Variants in SCAPER observed in about 807,000 individuals in gnomAD.
SCAPER encodes S-phase cyclin A associated protein in the ER, also known as S phase cyclin A-associated protein in the endoplasmic reticulum.
A neutral mutation model predicts 182.2 loss-of-function variants in SCAPER; 98 were observed. The observed-to-expected ratio is 0.54, with a 90% confidence interval of 0.46 to 0.64. The LOEUF (loss-of-function observed/expected upper bound fraction) is 0.64. SCAPER is among the 30% of genes least tolerant of loss of function. SCAPER has a pLI of 0.00. For missense variants in SCAPER, 1,432 were observed against 1,690.0 expected, an observed-to-expected ratio of 0.85 and a Z score of 2.68; for synonymous variants, 605 against 564.6, an observed-to-expected ratio of 1.07 and a Z score of -1.01.
chr15:76,812,830 G>T (rs2066740203), intron 5 of SCAPER, among the ~76,000 whole-genome samples: 1 of 150,542 alleles, frequency 6.6e-6, no homozygotes, highest in Admixed American at 6.6e-5. Flanking sequence ...TCCAAAACCA[G>T]ATATCTTCAG....
At chr15:76,545,505 C>T (rs1048704643) in intron 23 of SCAPER, among the ~76,000 whole-genome samples, 3 of 152,164 alleles carry the variant, frequency 2.0e-5, no homozygotes, top group Admixed American at 2.0e-4. Context: ...ATCATCAATT[C>T]CACCTCTGGC....
At chr15:76,353,740 A>G (rs2040766534) in intron 30 of SCAPER, among the ~76,000 whole-genome samples, 1 of 152,220 alleles carries the variant, frequency 6.6e-6, no homozygotes. Context: ...GAAATCCTCC[A>G]AGTAGAAATT....
Position 76,702,989 on chromosome 15 carries a change from A to G in SCAPER, c.2261T>C (p.Ile754Thr). ...TTCAATCTGTTCCATGTGCCTTCGA[A>G]TACTTTCATCATGCTGTAGATGAAG... ...KKIQLKHDES[I>T]RRHMEQIEQR... Residue 754 changes from isoleucine to threonine, a missense_variant, in exon 19 of 32, where the codon ATT (isoleucine) becomes ACT (threonine). Around this residue, in one of 5 missense-constraint regions of SCAPER, gnomAD observed 718 missense variants for 799.7 expected, o/e 0.90. Transcript: ENST00000563290. The G allele has an allele frequency of 6.3e-7, 1 of 1,575,352 alleles. No homozygotes were observed. Among genetic ancestry groups the G allele is most frequent in the Non-Finnish European group, 8.6e-7 (1 of 1,166,344 alleles).
At chr15:76,489,258 T>G (rs1360101518) in intron 24 of SCAPER, among the ~76,000 whole-genome samples, 1 of 139,576 alleles carries the variant, frequency 7.2e-6, no homozygotes, top group Non-Finnish European at 1.6e-5. Context: ...CAATTACTTT[T>G]GCACCAACCT....
At chr15:76,727,000 C>A (rs1033807463) in intron 17 of SCAPER, among the ~76,000 whole-genome samples, 1 of 151,788 alleles carries the variant, frequency 6.6e-6, no homozygotes, top group Admixed American at 6.6e-5. Flanking sequence ...TGATAAATTT[C>A]ATGCTATTTA....
At chr15:76,524,321 G>A (rs1008813572) in intron 23 of SCAPER, among the ~76,000 whole-genome samples, 3 of 152,114 alleles carry the variant, frequency 2.0e-5, no homozygotes, top group South Asian at 2.1e-4. Flanking sequence ...TCTATATAAT[G>A]AGACAAAAGT....
intron 23 of SCAPER, among the ~76,000 whole-genome samples, chr15:76,518,296 T>C (rs1195036825): frequency 2.0e-5 from 3 of 152,200 alleles, no homozygotes; most frequent in Admixed American, 1.3e-4. Context: ...CAGGCTCTGC[T>C]TCCAACTTCA....
At chr15:76,738,716 T>C (rs749705860) in intron 15 of SCAPER, among the ~76,000 whole-genome samples, 4 of 152,170 alleles carry the variant, frequency 2.6e-5, no homozygotes, top group Non-Finnish European at 5.9e-5. Flanking sequence ...TTAAGTTTGC[T>C]GTCATATATG....
At chr15:76,480,709 T>C (rs1334313756) in intron 24 of SCAPER, among the ~76,000 whole-genome samples, 2 of 152,196 alleles carry the variant, frequency 1.3e-5, no homozygotes, top group Non-Finnish European at 2.9e-5. Context: ...TCTTAATACA[T>C]TAATTAGCCA....
At chr15:76,772,022 G>T in intron 9 of SCAPER, 68 bp from the exon 10 acceptor site, 1 of 1,236,482 alleles carries the variant, frequency 8.1e-7, no homozygotes, top group African/African-American at 1.6e-5. Context: ...TAGAAGAAGA[G>T]ATGATTTTGC....
chr15:76,868,598 T>A (rs961449879), intron 2 of SCAPER, among the ~76,000 whole-genome samples: 2 of 151,858 alleles, frequency 1.3e-5, no homozygotes, highest in Admixed American at 1.3e-4. Context: ...AAGGGAAAGA[T>A]CCAGACAAGG....
chr15:76,515,717 G>T (rs182545353), intron 23 of SCAPER, among the ~76,000 whole-genome samples: 2 of 152,224 alleles, frequency 1.3e-5, no homozygotes, highest in East Asian at 3.9e-4. Flanking sequence ...TATAGTATCT[G>T]TTTACTTCAT....
At chr15:76,579,484 T>C (rs1196573258) in intron 22 of SCAPER, among the ~76,000 whole-genome samples, 2 of 150,230 alleles carry the variant, frequency 1.3e-5, no homozygotes, top group Non-Finnish European at 3.0e-5. Flanking sequence ...TTATAAAATA[T>C]CAATTGCAAG....
intron 21 of SCAPER, among the ~76,000 whole-genome samples, chr15:76,654,648 C>T (rs1459406687): frequency 6.6e-6 from 1 of 152,146 alleles, no homozygotes; most frequent in Non-Finnish European, 1.5e-5. Flanking sequence ...AATCATTCTA[C>T]AAAAAAGACA....
At chr15:76,433,500 A>C (rs953632342) in intron 26 of SCAPER, among the ~76,000 whole-genome samples, 3 of 152,048 alleles carry the variant, frequency 2.0e-5, no homozygotes, top group Admixed American at 6.6e-5. Context: ...GTGATAGAAA[A>C]AACAACAACA....
intron 25 of SCAPER, among the ~76,000 whole-genome samples, chr15:76,446,189 G>A (rs1417868302): frequency 2.0e-5 from 3 of 152,040 alleles, no homozygotes; most frequent in Admixed American, 6.6e-5. Flanking sequence ...ATCACATCAG[G>A]GTCAGGATTT....
At chr15:76,382,604 T>G (rs186346815) in intron 27 of SCAPER, among the ~76,000 whole-genome samples, 123 of 152,178 alleles carry the variant, frequency 8.1e-4, no homozygotes, top group African/African-American at 2.9e-3. Context: ...TGTACAAAGA[T>G]TTCTAAGGAA....
At chr15:76,446,434 A>G (rs567609222) in intron 25 of SCAPER, among the ~76,000 whole-genome samples, 1 of 152,354 alleles carries the variant, frequency 6.6e-6, no homozygotes, top group South Asian at 2.1e-4. Context: ...TCTCATTGCA[A>G]TAGCTGCCCA....
chr15:76,790,013 G>C (rs2064886696), intron 8 of SCAPER, among the ~76,000 whole-genome samples: 1 of 152,096 alleles, frequency 6.6e-6, no homozygotes, highest in South Asian at 2.1e-4. Context: ...CGGATCACGA[G>C]GTCAGGAGAT....
Sources: gnomAD v4.1 joint callset for allele counts (sites outside exome capture counted in the v4.1 genomes callset) on GRCh38, gnomAD v4.1.1 for gene constraint, gnomAD v4.1.1 regional missense constraint, MANE v1.5 for transcripts, NCBI Gene and HGNC (gene_info 2026-07-23, HGNC 2026-07-21) for gene names.